Variants in PAPSS1 observed in about 807,000 individuals in gnomAD.
PAPSS1 encodes bifunctional 3'-phosphoadenosine 5'-phosphosulfate synthase 1.
Under a neutral mutation model 72.0 loss-of-function variants are expected in PAPSS1, and 50 were observed. The observed-to-expected ratio is 0.69, with a 90% confidence interval of 0.55 to 0.88. The LOEUF (loss-of-function observed/expected upper bound fraction) is 0.88. PAPSS1 is among the 40% of genes least tolerant of loss of function. The pLI is 0.00. For synonymous variants in PAPSS1, 261 were observed against 263.6 expected, an observed-to-expected ratio of 0.99 and a Z score of 0.09; for missense variants, 657 against 782.2, an observed-to-expected ratio of 0.84 and a Z score of 1.91.
rs531833206 is a variant in PAPSS1 at position 107,693,792 on chromosome 4, A to G, written c.390T>C (p.Ser130=). 6.2e-7 allele frequency: 1 copy of G among 1,613,520 alleles called. No homozygotes were observed. The highest frequency in any genetic ancestry group is 2.2e-5 in the East Asian group (1 of 44,860). Reference sequence around the variant, plus strand: ...ATACCTGAGTGTAAGGTGATATGAAACTTGTGATGCACACTAAGCCAGCAT... The same window carrying G: ...ATACCTGAGTGTAAGGTGATATGAAGCTTGTGATGCACACTAAGCCAGCAT... ...FADAGLVCIT[S]FISPYTQDRN... The change falls in exon 3 of 12, where the codon AGT becomes AGC. Residue 130 remains serine, a synonymous_variant. Coordinates refer to ENST00000265174, the MANE Select transcript of PAPSS1 (RefSeq NM_005443.5).
intron 4 of PAPSS1, among the ~76,000 whole-genome samples, chr4:107,683,666 A>T (rs61002822): frequency 0.037 from 5,682 of 152,290 alleles, 329 homozygotes; most frequent in African/African-American, 0.13. Flanking sequence ...ATATTTAAGC[A>T]GGTAATAAAA....
intron 1 of PAPSS1, among the ~76,000 whole-genome samples, chr4:107,705,771 G>C (rs926143880): frequency 6.6e-6 from 1 of 152,170 alleles, no homozygotes; most frequent in Non-Finnish European, 1.5e-5. Context: ...TTACCAGTGA[G>C]TTTTATACTT....
intron 11 of PAPSS1, among the ~76,000 whole-genome samples, chr4:107,622,046 A>G (rs2726674): frequency 0.14 from 21,950 of 152,046 alleles, 3,212 homozygotes; most frequent in African/African-American, 0.38. Flanking sequence ...ATTAGGGAAA[A>G]TACTCATTCA....
intron 5 of PAPSS1, among the ~76,000 whole-genome samples, chr4:107,661,062 C>A (rs1455244266): frequency 2.6e-5 from 4 of 152,118 alleles, no homozygotes; most frequent in African/African-American, 9.7e-5. Context: ...GAATAGACAT[C>A]TCATCAAAGA....
intron 11 of PAPSS1, among the ~76,000 whole-genome samples, chr4:107,627,533 C>A (rs779790759): frequency 1.9e-4 from 29 of 152,020 alleles, no homozygotes; most frequent in Non-Finnish European, 3.7e-4. Flanking sequence ...AAGTGGGGAG[C>A]TTTTAAAAGA....
At chr4:107,701,589 C>G (rs995020752) in intron 1 of PAPSS1, among the ~76,000 whole-genome samples, 4 of 152,148 alleles carry the variant, frequency 2.6e-5, no homozygotes, top group African/African-American at 9.7e-5. Context: ...GAGTGGCAGA[C>G]TCCAGAGCCT....
At chr4:107,674,343 C>A (rs1475010116) in intron 5 of PAPSS1, among the ~76,000 whole-genome samples, 1 of 151,992 alleles carries the variant, frequency 6.6e-6, no homozygotes, top group Non-Finnish European at 1.5e-5. Context: ...GGAAGATCTA[C>A]CAAGCAAATG....
intron 4 of PAPSS1, among the ~76,000 whole-genome samples, chr4:107,682,799 T>A (rs1326470074): frequency 6.6e-6 from 1 of 152,222 alleles, no homozygotes; most frequent in East Asian, 1.9e-4. Flanking sequence ...TTCACAAGAA[T>A]TATCTGTGGC....
chr4:107,717,151 GA>G, intron 1 of PAPSS1, among the ~76,000 whole-genome samples: 1 of 151,382 alleles, frequency 6.6e-6, no homozygotes, highest in Non-Finnish European at 1.5e-5. Context: ...TATTAACATT[GA>G]AAAAACACTG....
intron 2 of PAPSS1, among the ~76,000 whole-genome samples, chr4:107,694,859 C>G (rs1723027037): frequency 6.6e-6 from 1 of 151,966 alleles, no homozygotes; most frequent in African/African-American, 2.4e-5. Flanking sequence ...GTGTCATAAC[C>G]AAGATAGTTC....
At chr4:107,623,602 T>C (rs1215629399) in intron 11 of PAPSS1, among the ~76,000 whole-genome samples, 2 of 152,220 alleles carry the variant, frequency 1.3e-5, no homozygotes, top group East Asian at 3.9e-4. Flanking sequence ...CACAGTCTCC[T>C]AGAACAGGAG....
chr4:107,648,782 G>A (rs991255675), intron 9 of PAPSS1, among the ~76,000 whole-genome samples: 2 of 152,102 alleles, frequency 1.3e-5, no homozygotes, highest in African/African-American at 4.8e-5. Context: ...TTGTTTTTGT[G>A]GGTTTTTGTG....
chr4:107,657,435 C>T (rs943179244), intron 6 of PAPSS1, among the ~76,000 whole-genome samples: 3 of 152,084 alleles, frequency 2.0e-5, no homozygotes, highest in African/African-American at 7.2e-5. Context: ...AGAAACTTTA[C>T]GGCCAGAGGA....
At chr4:107,646,114 T>C (rs776228857) in intron 9 of PAPSS1, among the ~76,000 whole-genome samples, 3 of 152,056 alleles carry the variant, frequency 2.0e-5, no homozygotes, top group South Asian at 2.1e-4. Context: ...TGATATGACA[T>C]TAGGTACAAA....
chr4:107,672,236 G>C (rs944718214), intron 5 of PAPSS1, among the ~76,000 whole-genome samples: 1 of 152,176 alleles, frequency 6.6e-6, no homozygotes, highest in East Asian at 1.9e-4. Flanking sequence ...AGTGGGTGCA[G>C]CGCACCAAGC....
chr4:107,697,431 T>C (rs1363199948), intron 2 of PAPSS1, among the ~76,000 whole-genome samples: 10 of 152,222 alleles, frequency 6.6e-5, no homozygotes, highest in African/African-American at 2.4e-4. Flanking sequence ...TTATTTCTTT[T>C]GAATTGTTGT....
At chr4:107,647,869 CA>C (rs749534641) in intron 9 of PAPSS1, among the ~76,000 whole-genome samples, 3 of 152,172 alleles carry the variant, frequency 2.0e-5, no homozygotes, top group South Asian at 4.1e-4. Flanking sequence ...AATTACCGCA[CA>C]CATACAGATG....
At chr4:107,675,430 T>C (rs1727615057) in intron 5 of PAPSS1, among the ~76,000 whole-genome samples, 2 of 151,954 alleles carry the variant, frequency 1.3e-5, no homozygotes, top group South Asian at 4.1e-4. Context: ...AACTAGAAAA[T>C]CTAGAAGAAA....
intron 5 of PAPSS1, among the ~76,000 whole-genome samples, chr4:107,671,594 T>C (rs1174436911): frequency 1.3e-5 from 2 of 152,072 alleles, no homozygotes; most frequent in Non-Finnish European, 2.9e-5. Flanking sequence ...ACTAACAAGA[T>C]ATAAAAAAAT....
Sources: allele counts gnomAD v4.1 joint callset (sites outside exome capture counted in the v4.1 genomes callset), GRCh38; gene constraint gnomAD v4.1.1; transcripts MANE v1.5; gene names NCBI Gene and HGNC (gene_info 2026-07-23, HGNC 2026-07-21).